The following ITGA8 variants were observed in gnomAD, a reference collection of about 807,000 sequenced individuals.
The protein encoded by ITGA8 is integrin subunit alpha 8.
A neutral mutation model predicts 142.3 loss-of-function variants in ITGA8; 91 were observed. The ratio of observed to expected loss-of-function variants is 0.64; its 90% CI spans 0.54 to 0.76. ITGA8 has a LOEUF of 0.76. Among genes scored for constraint, ITGA8 ranks in the 30% least tolerant of loss-of-function variants. The pLI, the probability that ITGA8 is intolerant of heterozygous loss-of-function variation, is 0.00. For synonymous variants in ITGA8, 505 were observed against 485.2 expected (o/e 1.04, Z -0.54); for missense variants, 1,406 against 1,327.7 (o/e 1.06, Z -0.92).
At chr10:15,575,694 C>A (rs1834277593) in intron 23 of ITGA8, 100 bp from the exon 24 acceptor site, 2 of 915,152 alleles carry the variant, frequency 2.2e-6, no homozygotes, top group Non-Finnish European at 1.8e-6. Flanking sequence ...AAGTGGTTTT[C>A]AATTTATTTG....
At chr10:15,636,948 C>T (rs939650965) in intron 13 of ITGA8, among the ~76,000 whole-genome samples, 7 of 152,094 alleles carry the variant, frequency 4.6e-5, no homozygotes, top group Non-Finnish European at 1.0e-4. Context: ...AGTTCGAGAC[C>T]AGCCTGGCCA....
chr10:15,714,230 C>G (rs1020545497), intron 2 of ITGA8, among the ~76,000 whole-genome samples: 4 of 152,172 alleles, frequency 2.6e-5, no homozygotes, highest in South Asian at 2.1e-4. Flanking sequence ...CATTCGTTCT[C>G]CCTTTTAGCA....
At chr10:15,636,524 T>C (rs1833774589) in intron 13 of ITGA8, among the ~76,000 whole-genome samples, 1 of 152,188 alleles carries the variant, frequency 6.6e-6, no homozygotes. Context: ...ATTTCTGCAA[T>C]CAAATCTGTA....
At chr10:15,526,556 A>T (rs1354756489) in intron 28 of ITGA8, among the ~76,000 whole-genome samples, 1 of 152,194 alleles carries the variant, frequency 6.6e-6, no homozygotes, top group Non-Finnish European at 1.5e-5. Flanking sequence ...TACTTTCGGC[A>T]CAGGGGCTTG....
rs760125281 is a variant in ITGA8 at position 15,592,233 on chromosome 10, T to C, written c.2283A>G (p.Gln761=). The C allele has an allele frequency of 4.3e-6, 7 of 1,612,678 alleles. No homozygotes were observed. Among genetic ancestry groups the C allele is most frequent in the South Asian group, 3.3e-5 (3 of 91,026 alleles). ...GCATGTAAAGGTCTAACCTTCTGAT[T>C]TGGAGATCGAAGTTAATGCTCATGT... is the stretch of plus-strand genomic sequence containing the variant. The part of the protein sequence containing the change: ...KTNMSINFDL[Q]IRSSNKDNPD... Residue 761 remains glutamine (Q), a synonymous_variant, in exon 22 of 30, where the codon CAA becomes CAG. Coordinates refer to ENST00000378076, the MANE Select transcript of ITGA8 (RefSeq NM_003638.3).
chr10:15,600,995 T>G (rs1833094464), intron 20 of ITGA8, among the ~76,000 whole-genome samples: 1 of 152,144 alleles, frequency 6.6e-6, no homozygotes, highest in African/African-American at 2.4e-5. Flanking sequence ...ATCTCAGCAC[T>G]TTGGGAGGCC....
At chr10:15,549,814 G>A (rs1306780231) in intron 26 of ITGA8, among the ~76,000 whole-genome samples, 1 of 152,110 alleles carries the variant, frequency 6.6e-6, no homozygotes, top group East Asian at 1.9e-4. Flanking sequence ...AACCTTTTTC[G>A]AGAACATTTT....
rs573891445 is a variant in ITGA8, at chr10:15,598,907, G to A, written c.2119-1608C>T. ...GTAATATTCTTTCTTCTCAAAGTTA[G>A]GTTTAGTATGTCTTCAGCTCCTTAA... On this transcript the variant is annotated intron_variant, in intron 20 of 29. Transcript: ENST00000378076. Among the ~76,000 whole-genome samples, 9 of 152,246 alleles carry A rather than the reference G, an allele frequency of 5.9e-5. No homozygotes were observed. In the South Asian group the frequency reaches 1.2e-3, roughly 21 times the overall value.
At chr10:15,675,576 A>G (rs1475922956) in intron 6 of ITGA8, among the ~76,000 whole-genome samples, 7 of 152,152 alleles carry the variant, frequency 4.6e-5, no homozygotes, top group African/African-American at 7.2e-5. Context: ...CCTTGTAACA[A>G]CCTTGTAACT....
chr10:15,716,999 G>C (rs888779204), intron 2 of ITGA8, among the ~76,000 whole-genome samples: 3 of 152,146 alleles, frequency 2.0e-5, no homozygotes, highest in African/African-American at 7.2e-5. Context: ...TTTCAGTTAG[G>C]AGTGGTCAGT....
At chr10:15,649,197 T>C (rs1323546423) in intron 11 of ITGA8, among the ~76,000 whole-genome samples, 2 of 152,074 alleles carry the variant, frequency 1.3e-5, no homozygotes, top group African/African-American at 4.8e-5. Flanking sequence ...AAGTAAAATG[T>C]ACAAAGAATT....
intron 1 of ITGA8, 87 bp downstream of exon 1, chr10:15,719,476 G>T: frequency 8.0e-7 from 1 of 1,253,672 alleles, no homozygotes; most frequent in Non-Finnish European, 1.1e-6. Context: ...ATCCCAGGCT[G>T]CGGGGGGACT....
At chr10:15,579,289 G>C (rs1834359520) in intron 23 of ITGA8, among the ~76,000 whole-genome samples, 1 of 152,068 alleles carries the variant, frequency 6.6e-6, no homozygotes, top group Non-Finnish European at 1.5e-5. Flanking sequence ...TTTCGTATGA[G>C]AAACCCAATT....
At chr10:15,592,445 A>C (rs1003308504) in intron 21 of ITGA8, 141 bp from the exon 22 acceptor site, 1 of 652,726 alleles carries the variant, frequency 1.5e-6, no homozygotes, top group South Asian at 2.0e-5. Context: ...CTGAGAGCCA[A>C]GAGAAGTCAT....
In ITGA8 at chr10:15,604,188, A is replaced by G. The variant is rs770995160; in HGVS notation, c.2118+20T>C. ...AAAAATATACCTAGCTCTTGACTTC[A>G]AACAATTTGCAGGCATTACCTTGTT... On this transcript the variant is annotated intron_variant, in intron 20 of 29. Transcript: ENST00000378076. 3 of 1,599,230 alleles carry G rather than the reference A, an allele frequency of 1.9e-6. No individual in the cohort carries two copies. The highest frequency in any genetic ancestry group is 1.7e-4 in the Middle Eastern group (1 of 6,014).
chr10:15,643,911 C>A, intron 13 of ITGA8, 119 bp downstream of exon 13: 3 of 800,968 alleles, frequency 3.7e-6, no homozygotes. Flanking sequence ...AAGCCTGTGG[C>A]ATGCTTAAGC....
At chr10:15,613,097 G>T (rs1029075417) in intron 15 of ITGA8, among the ~76,000 whole-genome samples, 3 of 152,100 alleles carry the variant, frequency 2.0e-5, no homozygotes, top group African/African-American at 7.2e-5. Flanking sequence ...GGAGGTGGAG[G>T]TTGCAGTGAG....
chr10:15,517,019 A>C lies in ITGA8; in HGVS notation c.*139T>G. 2 of 406,574 alleles carry C rather than the reference A, an allele frequency of 4.9e-6. No individual in the cohort carries two copies. The highest frequency in any genetic ancestry group is 4.5e-5 in the Admixed American group (1 of 22,078). The allele number at this position is 406,574 out of a possible 1,614,324, so 25.2% of individuals were successfully genotyped here. On this transcript the variant is annotated 3_prime_UTR_variant, in exon 30 of 30. Transcript: ENST00000378076. ...ATTTCTCCAAAGTGCGGTGTAGATG[A>C]GGTGATGTTTCCAGGGTCCCCTCCA...
chr10:15,644,467 TATATATATATATATATATATATATAG>T (rs1350647232), intron 12 of ITGA8, among the ~76,000 whole-genome samples: 455 of 18,238 alleles, frequency 0.025, 14 homozygotes, highest in African/African-American at 0.042. Context: ...TATATATATA[TATATATATATATATATATATATATAG>T]AATTTTTTTT....
Sources: gnomAD v4.1 joint callset for allele counts (sites outside exome capture counted in the v4.1 genomes callset) on GRCh38, gnomAD v4.1.1 for gene constraint, MANE v1.5 for transcripts, NCBI Gene and HGNC (gene_info 2026-07-23, HGNC 2026-07-21) for gene names.